Variants in RNF38 observed in about 807,000 individuals in gnomAD.
RNF38 encodes E3 ubiquitin-protein ligase RNF38.
Under a neutral mutation model 67.2 loss-of-function variants are expected in RNF38, and 15 were observed. That is an observed-to-expected ratio of 0.22 (90% CI 0.15 to 0.34). The LOEUF (loss-of-function observed/expected upper bound fraction) is 0.34, where lower values mean the gene tolerates loss of function less well. Ranked by LOEUF, RNF38 falls within the 10% of genes least tolerant of loss-of-function variation. The probability of loss-of-function intolerance (pLI) is 1.00; values close to 1 mark genes in which losing one functional copy is unlikely to be tolerated. For missense variants in RNF38, 524 were observed against 639.9 expected (o/e 0.82, Z 1.95); for synonymous variants, 220 against 218.8 (o/e 1.01, Z -0.05).
Position 36,337,281 on chromosome 9 carries a change from CAT to C in RNF38, c.*2469_*2470del. 1 of 152,434 alleles carries C rather than the reference CAT, an allele frequency of 6.6e-6. No homozygotes were observed. The highest frequency in any genetic ancestry group is 6.5e-5 in the Admixed American group (1 of 15,280). The allele number at this position is 152,434 out of a possible 1,614,324, so 9.4% of individuals were successfully genotyped here. On this transcript the variant is annotated 3_prime_UTR_variant, in exon 12 of 12. Coordinates refer to ENST00000259605, the MANE Select transcript of RNF38 (RefSeq NM_022781.5). Reference sequence around the variant, plus strand: ...TAACCACAATAAGCAAGTCTGCACACATCTCTATGAGCCCCATGCAAAGACAA... The same window carrying C: ...TAACCACAATAAGCAAGTCTGCACACCTCTATGAGCCCCATGCAAAGACAA...
At chr9:36,354,188 A>C (rs531127334) in intron 6 of RNF38, among the ~76,000 whole-genome samples, 40 of 152,076 alleles carry the variant, frequency 2.6e-4, no homozygotes, top group African/African-American at 8.7e-4. Context: ...TCAGCTTTCC[A>C]TTATTTATTT....
At chr9:36,429,193 T>TA (rs1237024838) in intron 1 of RNF38, among the ~76,000 whole-genome samples, 3 of 152,116 alleles carry the variant, frequency 2.0e-5, no homozygotes, top group African/African-American at 7.2e-5. Flanking sequence ...GCTTAAAAAG[T>TA]AAAAAAAGAA....
intron 1 of RNF38, among the ~76,000 whole-genome samples, chr9:36,425,088 A>G (rs751525816): frequency 8.5e-5 from 13 of 152,220 alleles, no homozygotes; most frequent in Non-Finnish European, 1.6e-4. Context: ...TATAAATTCT[A>G]AACATATAAG....
chr9:36,381,786 C>A (rs1452408225), intron 2 of RNF38, among the ~76,000 whole-genome samples: 2 of 152,226 alleles, frequency 1.3e-5, no homozygotes, highest in Non-Finnish European at 2.9e-5. Context: ...TTTGTAACTC[C>A]TGCCTCCCTA....
intron 10 of RNF38, among the ~76,000 whole-genome samples, chr9:36,343,231 C>T (rs987260574): frequency 1.3e-5 from 2 of 152,126 alleles, no homozygotes; most frequent in Admixed American, 6.5e-5. Context: ...AAAATTTAAA[C>T]ATTTTGTGCT....
intron 1 of RNF38, among the ~76,000 whole-genome samples, chr9:36,396,053 G>A (rs970864758): frequency 6.6e-6 from 1 of 152,210 alleles, no homozygotes; most frequent in African/African-American, 2.4e-5. Flanking sequence ...TCAATGAGGT[G>A]ACTTGAGCAT....
chr9:36,443,998 T>C (rs570449736), intron 1 of RNF38, among the ~76,000 whole-genome samples: 66 of 152,310 alleles, frequency 4.3e-4, no homozygotes, highest in African/African-American at 1.5e-3. Context: ...TAATGATCAC[T>C]GCCACAGGAA....
At chr9:36,340,105 G>A (rs1464488523) in intron 11 of RNF38, among the ~76,000 whole-genome samples, 4 of 151,968 alleles carry the variant, frequency 2.6e-5, no homozygotes, top group African/African-American at 9.7e-5. Context: ...TCAGCCTCCC[G>A]AGCAGCTGAG....
At chr9:36,373,514 G>C (rs984072444) in intron 3 of RNF38, among the ~76,000 whole-genome samples, 4 of 151,788 alleles carry the variant, frequency 2.6e-5, no homozygotes, top group East Asian at 3.9e-4. Context: ...GAAGGGGAAC[G>C]GTAGCACCTG....
In RNF38 at chr9:36,398,975, A is replaced by T. The variant is rs559051100; in HGVS notation, c.12+1122T>A. The stretch of plus-strand genomic sequence containing the variant: ...AAAAAAAGAAAGTGAGCACAAACAG[A>T]AACAGCCTAGGAATGTAACATGAAT... On this transcript the variant is annotated intron_variant, in intron 1 of 11. Coordinates refer to ENST00000259605, the MANE Select transcript of RNF38 (RefSeq NM_022781.5). 2.6e-5 allele frequency among the ~76,000 whole-genome samples: 4 copies of T among 152,276 alleles called. No individual in the cohort carries two copies. The South Asian group carries it at 8.3e-4, about 32-fold the overall frequency.
chr9:36,467,260 TATAC>T (rs1368433913), intron 1 of RNF38, among the ~76,000 whole-genome samples: 1 of 60,076 alleles, frequency 1.7e-5, no homozygotes, highest in African/African-American at 4.6e-5. Flanking sequence ...CACACACACA[TATAC>T]ACACACATAC....
At chr9:36,387,348 T>C (rs904661985) in intron 2 of RNF38, among the ~76,000 whole-genome samples, 11 of 152,210 alleles carry the variant, frequency 7.2e-5, no homozygotes, top group Non-Finnish European at 1.0e-4. Context: ...AGCTATAACA[T>C]AGCAGTCATT....
At chr9:36,365,551 C>G (rs186039283) in intron 4 of RNF38, among the ~76,000 whole-genome samples, 1 of 151,576 alleles carries the variant, frequency 6.6e-6, no homozygotes, top group African/African-American at 2.4e-5. Flanking sequence ...CCATCCTGGG[C>G]AAGAAGAGCG....
chr9:36,455,905 C>T (rs1839583018), intron 1 of RNF38, among the ~76,000 whole-genome samples: 1 of 147,682 alleles, frequency 6.8e-6, no homozygotes, highest in Non-Finnish European at 1.5e-5. Flanking sequence ...AGCAAGACTC[C>T]ACCTCAAAAA....
intron 6 of RNF38, among the ~76,000 whole-genome samples, chr9:36,354,359 T>G (rs1031095411): frequency 5.9e-5 from 9 of 152,186 alleles, no homozygotes; most frequent in African/African-American, 1.9e-4. Context: ...ACCTGGCTAC[T>G]TTTTTGTATT....
rs929879653 is a variant in RNF38 at position 36,474,864 on chromosome 9, G to A, written n.241+12444C>T. Among the ~76,000 whole-genome samples the A allele has an allele frequency of 3.4e-5, 5 of 147,858 alleles. 1 individual carries two copies. The highest frequency in any genetic ancestry group is 7.5e-5 in the African/African-American group (3 of 39,928). ...AGGTAGAAAAATCACACACAGGGCC[G>A]GGCGCGGTGCCTCACGCCTGTAATC... On this transcript the variant is annotated intron_variant and non_coding_transcript_variant, in intron 1 of 3. Transcript: ENST00000488058.
chr9:36,337,360 AC>A lies in RNF38; in HGVS notation c.*2391del, dbSNP rs1282335186. ...GTGCAACAACGAAATTCAAGATTTG[AC>A]CAAAACAGACCCTGCTGCCTCCTAA... On this transcript the variant is annotated 3_prime_UTR_variant, in exon 12 of 12. Coordinates refer to ENST00000259605, the MANE Select transcript of RNF38 (RefSeq NM_022781.5). 6.5e-6 allele frequency: 1 copy of A among 152,894 alleles called. No individual in the cohort carries two copies. Among genetic ancestry groups the A allele is most frequent in the African/African-American group, 2.4e-5 (1 of 41,450 alleles). 9.5% of individuals were successfully genotyped at this position (152,894 alleles called of 1,614,324 possible).
chr9:36,452,608 G>A (rs899133746), intron 1 of RNF38, among the ~76,000 whole-genome samples: 13 of 150,786 alleles, frequency 8.6e-5, no homozygotes, highest in Non-Finnish European at 1.5e-4. Context: ...ATCTCAGCTC[G>A]CTGCAACCTC....
intron 1 of RNF38, among the ~76,000 whole-genome samples, chr9:36,435,144 A>C (rs975393570): frequency 6.6e-6 from 1 of 152,224 alleles, no homozygotes; most frequent in Non-Finnish European, 1.5e-5. Flanking sequence ...GAAACTGATC[A>C]CACTGTCTCT....
Sources: allele counts gnomAD v4.1 joint callset (sites outside exome capture counted in the v4.1 genomes callset), GRCh38; gene constraint gnomAD v4.1.1; transcripts MANE v1.5; gene names NCBI Gene and HGNC (gene_info 2026-07-23, HGNC 2026-07-21).